The following PDE7A variants were observed in gnomAD, a reference collection of about 807,000 sequenced individuals.
PDE7A encodes high affinity 3',5'-cyclic-AMP phosphodiesterase 7A.
A neutral mutation model predicts 64.3 loss-of-function variants in PDE7A; 39 were observed. The ratio of observed to expected loss-of-function variants is 0.61; its 90% CI spans 0.47 to 0.79. The LOEUF is 0.79. PDE7A is among the 30% of genes least tolerant of loss of function. PDE7A has a pLI of 0.00. For missense variants in PDE7A, 470 were observed against 582.8 expected (o/e 0.81, Z 1.99); for synonymous variants, 203 against 206.8 (o/e 0.98, Z 0.16).
chr8:65,715,996 CAAAAAAAAAAAA>C lies in PDE7A; in HGVS notation c.*3282_*3293del, dbSNP rs779701295. On this transcript the variant is annotated 3_prime_UTR_variant, in exon 13 of 13. Coordinates refer to ENST00000401827, the MANE Select transcript of PDE7A (RefSeq NM_001242318.3). ...TGGGCGACAGAGCAAGGCTCTGTCT[CAAAAAAAAAAAA>C]AAAAAAAAAAAAAAAAATTAGCTGG... 8.6e-4 allele frequency among the ~76,000 whole-genome samples: 29 copies of C among 33,864 alleles called. No individual in the cohort carries two copies. Among genetic ancestry groups the C allele is most frequent in the Admixed American group, 3.0e-3 (6 of 2,006 alleles). 22.2% of individuals were successfully genotyped at this position (33,864 alleles called of 152,430 possible).
At chr8:65,770,623 C>A (rs1416171921) in intron 3 of PDE7A, among the ~76,000 whole-genome samples, 1 of 152,200 alleles carries the variant, frequency 6.6e-6, no homozygotes, top group African/African-American at 2.4e-5. Context: ...AACACCATAA[C>A]TTAATACATG....
rs1306825401 is a variant in PDE7A, at chr8:65,715,727, T to C, written c.*3563A>G. Among the ~76,000 whole-genome samples the C allele has an allele frequency of 1.4e-5, 2 of 146,654 alleles. No individual in the cohort carries two copies. Among genetic ancestry groups the C allele is most frequent in the Non-Finnish European group, 3.0e-5 (2 of 66,340 alleles). On this transcript the variant is annotated 3_prime_UTR_variant, in exon 13 of 13. Transcript: ENST00000401827. The stretch of plus-strand genomic sequence containing the variant: ...CTGGCCGGGCACGGTGGCTCACGCC[T>C]GTAATCCCAGCACTATGGGAGGCCG...
intron 1 of PDE7A, among the ~76,000 whole-genome samples, chr8:65,786,272 T>C (rs1809557352): frequency 6.6e-6 from 1 of 152,154 alleles, no homozygotes; most frequent in Non-Finnish European, 1.5e-5. Flanking sequence ...GACATAGCTT[T>C]TATGAAATAA....
In PDE7A at chr8:65,719,363, G is replaced by C. The variant is rs79989766; in HGVS notation, c.1376C>G (p.Ser459Trp). The part of the protein sequence containing the change: ...ASWKGLQREQ[S>W]SSEDTDAAFE... ...TGCAGCATCAGTGTCCTCACTGCTC[G>C]ACTGTTCTCTCTGCAGTCCCTTCCA... The change falls in exon 13 of 13, where the codon TCG becomes TGG. Residue 459 changes from serine to tryptophan, a missense_variant. By Grantham distance (177) the Ser-to-Trp change is radical. Coordinates refer to ENST00000401827, the MANE Select transcript of PDE7A (RefSeq NM_001242318.3). The C allele has an allele frequency of 1.9e-6, 3 of 1,613,982 alleles. No individual in the cohort carries two copies. Among genetic ancestry groups the C allele is most frequent in the Non-Finnish European group, 8.5e-7 (1 of 1,179,862 alleles).
intron 7 of PDE7A, among the ~76,000 whole-genome samples, chr8:65,733,169 C>T (rs1806973290): frequency 6.6e-6 from 1 of 152,122 alleles, no homozygotes; most frequent in African/African-American, 2.4e-5. Context: ...ATCAGAACTC[C>T]ACAGGCAAAA....
intron 1 of PDE7A, among the ~76,000 whole-genome samples, chr8:65,790,180 G>A (rs1316319848): frequency 6.6e-6 from 1 of 152,254 alleles, no homozygotes; most frequent in Non-Finnish European, 1.5e-5. Flanking sequence ...AAAGACCAGG[G>A]CGGCTCAAGG....
intron 3 of PDE7A, among the ~76,000 whole-genome samples, chr8:65,756,633 T>C (rs1020067981): frequency 4.6e-5 from 7 of 152,216 alleles, no homozygotes; most frequent in Admixed American, 2.6e-4. Flanking sequence ...ATTTTGTTTG[T>C]ACATTGTTTT....
chr8:65,783,344 CGA>C (rs1809467664), intron 1 of PDE7A, among the ~76,000 whole-genome samples: 1 of 152,110 alleles, frequency 6.6e-6, no homozygotes, highest in Non-Finnish European at 1.5e-5. Flanking sequence ...ACGTTACTTT[CGA>C]GAGTCATCTG....
At chr8:65,841,343 C>T (rs753687771) in intron 1 of PDE7A, 28 bp downstream of exon 1, 16 of 1,507,190 alleles carry the variant, frequency 1.1e-5, no homozygotes, top group African/African-American at 1.4e-5. Flanking sequence ...GAGAAGCCCT[C>T]AAGTGTGGGC....
intron 6 of PDE7A, among the ~76,000 whole-genome samples, chr8:65,737,944 TGAAA>T (rs1037309629): frequency 6.6e-6 from 1 of 152,240 alleles, no homozygotes; most frequent in African/African-American, 2.4e-5. Context: ...TACTTAAAAT[TGAAA>T]GATTTTAAAA....
At chr8:65,792,053 A>T (rs114221362) in intron 1 of PDE7A, among the ~76,000 whole-genome samples, 2,485 of 152,226 alleles carry the variant, frequency 0.016, 65 homozygotes, top group African/African-American at 0.056. Context: ...AATTCTCCTA[A>T]AAGTTTATTT....
chr8:65,751,865 A>T (rs1807984772), intron 3 of PDE7A, among the ~76,000 whole-genome samples: 1 of 152,180 alleles, frequency 6.6e-6, no homozygotes, highest in African/African-American at 2.4e-5. Context: ...ATGGTAGCAT[A>T]TTTTACAACC....
At chr8:65,794,778 G>A (rs1413205866) in intron 1 of PDE7A, among the ~76,000 whole-genome samples, 1 of 152,210 alleles carries the variant, frequency 6.6e-6, no homozygotes, top group East Asian at 1.9e-4. Flanking sequence ...CACAGTCCTT[G>A]CCTTTACACA....
At chr8:65,798,777 T>C (rs1809922111) in intron 1 of PDE7A, among the ~76,000 whole-genome samples, 1 of 152,166 alleles carries the variant, frequency 6.6e-6, no homozygotes, top group Admixed American at 6.5e-5. Flanking sequence ...AATGTATATA[T>C]GAAAAATAAC....
intron 1 of PDE7A, among the ~76,000 whole-genome samples, chr8:65,799,706 C>T (rs76975267): frequency 0.057 from 8,746 of 152,250 alleles, 365 homozygotes; most frequent in Middle Eastern, 0.11. Flanking sequence ...ATGGGTCTCA[C>T]GGCCTGGAAA....
At chr8:65,776,355 T>C (rs1174772512) in intron 3 of PDE7A, among the ~76,000 whole-genome samples, 2 of 152,206 alleles carry the variant, frequency 1.3e-5, no homozygotes, top group Admixed American at 6.5e-5. Context: ...TTAATTATTA[T>C]TGTTTATAAT....
At chr8:65,813,660 ATTT>A (rs776667355) in intron 1 of PDE7A, among the ~76,000 whole-genome samples, 2 of 152,208 alleles carry the variant, frequency 1.3e-5, no homozygotes, top group South Asian at 2.1e-4. Context: ...CATTGACTTT[ATTT>A]TTTAATGTAA....
At chr8:65,738,331 T>C (rs1243540812) in intron 6 of PDE7A, among the ~76,000 whole-genome samples, 1 of 152,186 alleles carries the variant, frequency 6.6e-6, no homozygotes, top group African/African-American at 2.4e-5. Flanking sequence ...AATATCACAA[T>C]GAGGGTCAGA....
At chr8:65,744,774 G>A (rs942810549) in intron 5 of PDE7A, among the ~76,000 whole-genome samples, 3 of 152,196 alleles carry the variant, frequency 2.0e-5, no homozygotes, top group Admixed American at 6.5e-5. Context: ...AATAGCAGCG[G>A]CAATTGCCAA....
Sources: allele counts gnomAD v4.1 joint callset (sites outside exome capture counted in the v4.1 genomes callset), GRCh38; gene constraint gnomAD v4.1.1; transcripts MANE v1.5; gene names NCBI Gene and HGNC (gene_info 2026-07-23, HGNC 2026-07-21).